Variants in KLHDC10 observed in about 807,000 individuals in gnomAD.
The protein encoded by KLHDC10 is kelch domain-containing protein 10.
In KLHDC10, 24 loss-of-function variants were observed where a neutral mutation model predicts 56.1. That is an observed-to-expected ratio of 0.43 (90% CI 0.31 to 0.60). The LOEUF (loss-of-function observed/expected upper bound fraction) is 0.60. Ranked by LOEUF, KLHDC10 falls within the 20% of genes least tolerant of loss-of-function variation. The pLI is 0.11. For synonymous variants in KLHDC10, 188 were observed against 207.1 expected, an observed-to-expected ratio of 0.91 and a Z score of 0.79; for missense variants, 349 against 567.0, an observed-to-expected ratio of 0.62 and a Z score of 3.91.
chr7:130,107,843 C>CAAAAAAAAAAAAAAAAAAAAAAAAAAAAA (rs3043725), intron 2 of KLHDC10, among the ~76,000 whole-genome samples: 1 of 26,028 alleles, frequency 3.8e-5, no homozygotes, highest in Non-Finnish European at 5.7e-5. Context: ...GACTCCGTCT[C>CAAAAAAAAAAAAAAAAAAAAAAAAAAAAA]AAAAAAAAAA....
rs200357557 is a variant in KLHDC10 at position 130,090,217 on chromosome 7, C to CT, written c.167-6696dup. Among the ~76,000 whole-genome samples, 897 of 152,076 alleles carry CT rather than the reference C, an allele frequency of 5.9e-3. 4 individuals are homozygous for CT. Among genetic ancestry groups the CT allele is most frequent in the Non-Finnish European group, 0.01 (698 of 67,968 alleles). On this transcript the variant is annotated intron_variant, in intron 1 of 9. Coordinates refer to ENST00000335420, the MANE Select transcript of KLHDC10 (RefSeq NM_014997.4). ...GTAAGCTATTCCATATTGGCACCAT[C>CT]TTTTTTTTCTTCTTTTTGGTTTTTA...
At chr7:130,086,642 T>C (rs1323722629) in intron 1 of KLHDC10, among the ~76,000 whole-genome samples, 6 of 152,236 alleles carry the variant, frequency 3.9e-5, no homozygotes, top group Admixed American at 3.3e-4. Context: ...AAAAATATAT[T>C]TTGGGGATTG....
intron 1 of KLHDC10, among the ~76,000 whole-genome samples, chr7:130,076,945 T>G (rs2116836310): frequency 6.6e-6 from 1 of 152,318 alleles, no homozygotes; most frequent in Non-Finnish European, 1.5e-5. Context: ...GTCCTGCTCC[T>G]CTGTCCTGTT....
chr7:130,118,763 TTG>T (rs1311897974), intron 3 of KLHDC10, among the ~76,000 whole-genome samples: 2 of 152,152 alleles, frequency 1.3e-5, no homozygotes, highest in African/African-American at 4.8e-5. Context: ...TTCAATCTTG[TTG>T]TGTCTCAGGG....
At chr7:130,119,198 A>G (rs921137222) in intron 3 of KLHDC10, among the ~76,000 whole-genome samples, 1 of 114,572 alleles carries the variant, frequency 8.7e-6, no homozygotes, top group Non-Finnish European at 1.8e-5. Flanking sequence ...AGACAGCAAG[A>G]CTCCAACTCA....
chr7:130,130,461 T>C lies in KLHDC10; in HGVS notation c.1120-76T>C, dbSNP rs1330042872. The C allele has an allele frequency of 1.1e-5, 12 of 1,139,244 alleles. No homozygotes were observed. Among genetic ancestry groups the C allele is most frequent in the Non-Finnish European group, 1.5e-5 (11 of 753,246 alleles). 70.6% of individuals were successfully genotyped at this position (1,139,244 alleles called of 1,614,324 possible). A position where few individuals can be genotyped will look rare whatever the true frequency, so the allele number is the denominator to read the frequency against. ...CATTTCATTTTGATTCCATCTACTA[T>C]GCTTTTTCCCCACTGAGTCTTCAGC... On this transcript the variant is annotated intron_variant, in intron 9 of 9. Transcript: ENST00000335420. The surrounding 1 kb of genome is among the most constrained non-coding windows in gnomAD (Gnocchi z 4.2).
intron 5 of KLHDC10, among the ~76,000 whole-genome samples, chr7:130,123,041 A>ATGGATGGATGGG (rs890569940): frequency 2.0e-5 from 3 of 152,028 alleles, no homozygotes; most frequent in Admixed American, 1.3e-4. Context: ...GGATGGATGG[A>ATGGATGGATGGG]TGGATGGATG....
chr7:130,109,437 A>G (rs933877713), intron 2 of KLHDC10, among the ~76,000 whole-genome samples: 11 of 151,806 alleles, frequency 7.2e-5, no homozygotes, highest in Non-Finnish European at 1.5e-4. Flanking sequence ...ATTTTGCCAT[A>G]TCTCTTTATG....
At chr7:130,109,907 G>A in intron 2 of KLHDC10, among the ~76,000 whole-genome samples, 1 of 152,180 alleles carries the variant, frequency 6.6e-6, no homozygotes, top group Non-Finnish European at 1.5e-5. Context: ...CCATAGTGCT[G>A]GGATTACAGG....
At chr7:130,075,761 T>G (rs1283584907) in intron 1 of KLHDC10, among the ~76,000 whole-genome samples, 1 of 152,214 alleles carries the variant, frequency 6.6e-6, no homozygotes, top group Non-Finnish European at 1.5e-5. Flanking sequence ...AAGTTTATGT[T>G]TCCCTGTTGT....
At chr7:130,103,460 C>T (rs1795963715) in intron 2 of KLHDC10, among the ~76,000 whole-genome samples, 1 of 150,680 alleles carries the variant, frequency 6.6e-6, no homozygotes, top group Non-Finnish European at 1.5e-5. Flanking sequence ...GTATAAAGGG[C>T]ATGCCTTTCA....
At chr7:130,080,224 G>A (rs897069531) in intron 1 of KLHDC10, among the ~76,000 whole-genome samples, 5 of 152,074 alleles carry the variant, frequency 3.3e-5, no homozygotes, top group African/African-American at 1.2e-4. Context: ...TTACAGGCAT[G>A]AGCCACTGTG....
At chr7:130,129,646 C>A in intron 9 of KLHDC10, 70 bp downstream of exon 9, 2 of 1,481,110 alleles carry the variant, frequency 1.4e-6, no homozygotes, top group Admixed American at 2.2e-5. Flanking sequence ...GAGATATTAG[C>A]AAGAAAAAAA....
At chr7:130,109,763 C>G (rs1208899865) in intron 2 of KLHDC10, among the ~76,000 whole-genome samples, 3 of 152,088 alleles carry the variant, frequency 2.0e-5, no homozygotes, top group Non-Finnish European at 2.9e-5. Context: ...CTCAGCCTCC[C>G]GAGTAGCTGG....
At chr7:130,112,865 T>C (rs964471612) in intron 2 of KLHDC10, among the ~76,000 whole-genome samples, 2 of 152,288 alleles carry the variant, frequency 1.3e-5, no homozygotes, top group Admixed American at 6.5e-5. Context: ...TACCCAAAAG[T>C]GTGATTTGCA....
chr7:130,096,816 G>C (rs1231385715), intron 1 of KLHDC10, 105 bp from the exon 2 acceptor site: 1 of 694,468 alleles, frequency 1.4e-6, no homozygotes, highest in Non-Finnish European at 2.4e-6. Flanking sequence ...CTGTATTCAA[G>C]TATTGTTTTG....
At chr7:130,095,050 A>G (rs767242926) in intron 1 of KLHDC10, 2 of 152,104 alleles carry the variant, frequency 1.3e-5, no homozygotes, top group Non-Finnish European at 2.9e-5. Flanking sequence ...CCTAATTAGA[A>G]TGTAAACTTA....
intron 1 of KLHDC10, among the ~76,000 whole-genome samples, chr7:130,090,765 CT>C (rs1421911288): frequency 1.5e-5 from 1 of 68,962 alleles, no homozygotes; most frequent in African/African-American, 5.1e-5. Flanking sequence ...TTTACACATA[CT>C]CGTGTGTGTG....
chr7:130,095,482 T>A (rs1795835962), intron 1 of KLHDC10, among the ~76,000 whole-genome samples: 1 of 152,192 alleles, frequency 6.6e-6, no homozygotes, highest in South Asian at 2.1e-4. Context: ...AATCTTCACC[T>A]TAGCCTAGCA....
Sources: gnomAD v4.1 joint callset for allele counts (sites outside exome capture counted in the v4.1 genomes callset) on GRCh38, gnomAD v4.1.1 for gene constraint, Gnocchi (gnomAD v3.1) non-coding constraint, MANE v1.5 for transcripts, NCBI Gene and HGNC (gene_info 2026-07-23, HGNC 2026-07-21) for gene names.